Variants in CNTN4 observed in about 807,000 individuals in gnomAD.
CNTN4 encodes contactin-4.
Under a neutral mutation model 122.5 loss-of-function variants are expected in CNTN4, and 77 were observed. The observed-to-expected ratio is 0.63, with a 90% CI of 0.52 to 0.76. The LOEUF is 0.76. Among genes scored for constraint, CNTN4 ranks in the 30% least tolerant of loss-of-function variants. The pLI is 0.00. For missense variants in CNTN4, 1,256 were observed against 1,259.1 expected (o/e 1.00, Z 0.04); for synonymous variants, 512 against 447.0 (o/e 1.15, Z -1.83).
At chr3:2,380,601 A>T (rs1045970295) in intron 3 of CNTN4, among the ~76,000 whole-genome samples, 1 of 152,166 alleles carries the variant, frequency 6.6e-6, no homozygotes, top group Non-Finnish European at 1.5e-5. Flanking sequence ...GAGTAGATCT[A>T]ACAAAATGAT....
intron 3 of CNTN4, among the ~76,000 whole-genome samples, chr3:2,409,221 T>C (rs1265919807): frequency 1.3e-5 from 2 of 151,746 alleles, no homozygotes; most frequent in African/African-American, 4.8e-5. Flanking sequence ...TTTAAAGTTC[T>C]GAGTAATTTC....
chr3:2,961,624 C>T (rs1463133232), intron 13 of CNTN4, among the ~76,000 whole-genome samples: 2 of 152,166 alleles, frequency 1.3e-5, no homozygotes, highest in Non-Finnish European at 2.9e-5. Context: ...ACATACCCAC[C>T]TCTGAACCAG....
Position 2,627,445 on chromosome 3 carries a change from C to T in CNTN4, c.55+55887C>T, listed in dbSNP as rs149216975. Reference sequence around the variant, plus strand: ...TAGGGTAGCAGTAAACTTTGTTTACCAACAGGGCTCTGTCATCCACATGAG... The same window carrying T: ...TAGGGTAGCAGTAAACTTTGTTTACTAACAGGGCTCTGTCATCCACATGAG... On this transcript the variant is annotated intron_variant, in intron 4 of 24. Coordinates refer to ENST00000418658, the MANE Select transcript of CNTN4 (RefSeq NM_175607.3). Among the ~76,000 whole-genome samples the T allele has an allele frequency of 1.1e-4, 17 of 150,830 alleles. No homozygotes were observed. The East Asian group carries it at 2.5e-3, about 22-fold the overall frequency.
intron 2 of CNTN4, among the ~76,000 whole-genome samples, chr3:2,178,588 G>T (rs2036859704): frequency 6.6e-6 from 1 of 152,086 alleles, no homozygotes; most frequent in Non-Finnish European, 1.5e-5. Flanking sequence ...GTATGACAAT[G>T]TAGTAAAATA....
At chr3:2,202,714 A>G (rs1252689395) in intron 2 of CNTN4, among the ~76,000 whole-genome samples, 1 of 152,178 alleles carries the variant, frequency 6.6e-6, no homozygotes, top group Non-Finnish European at 1.5e-5. Context: ...CTAGATAATA[A>G]TGAAACTTGA....
chr3:2,158,859 A>G (rs1263815498), intron 2 of CNTN4, among the ~76,000 whole-genome samples: 3 of 152,282 alleles, frequency 2.0e-5, no homozygotes, highest in East Asian at 1.9e-4. Flanking sequence ...TGTTTTTGGA[A>G]GAGTGAAATC....
In CNTN4 at chr3:2,326,225, C is replaced by T. The variant is rs148052990; in HGVS notation, c.-144-12953C>T. On this transcript the variant is annotated intron_variant, in intron 2 of 24. Transcript: ENST00000418658. Reference sequence around the variant, plus strand: ...CCCTAGGAAGAGAGAATTTCCCTGTCCCTACTACCTTTGAACTGGGACATT... The same window carrying T: ...CCCTAGGAAGAGAGAATTTCCCTGTTCCTACTACCTTTGAACTGGGACATT... Among the ~76,000 whole-genome samples, 147 of 152,266 alleles carry T rather than the reference C, an allele frequency of 9.7e-4. 3 individuals carry two copies. The East Asian group carries it at 0.026, about 27-fold the overall frequency.
At chr3:2,727,788 G>A (rs1219175414) in intron 4 of CNTN4, among the ~76,000 whole-genome samples, 1 of 152,076 alleles carries the variant, frequency 6.6e-6, no homozygotes, top group Admixed American at 6.6e-5. Flanking sequence ...CTTCTCATTT[G>A]GATTTTTTTC....
At chr3:2,581,242 G>C (rs933220507) in intron 4 of CNTN4, among the ~76,000 whole-genome samples, 1 of 152,082 alleles carries the variant, frequency 6.6e-6, no homozygotes, top group Non-Finnish European at 1.5e-5. Context: ...CAAGGAGAGA[G>C]GGGAATTATT....
At chr3:2,107,879 A>G (rs1443291823) in intron 2 of CNTN4, among the ~76,000 whole-genome samples, 4 of 152,182 alleles carry the variant, frequency 2.6e-5, no homozygotes, top group African/African-American at 2.4e-5. Flanking sequence ...CTTCCAGTCA[A>G]GAACCATTTG....
At chr3:2,921,869 T>C (rs2094432738) in intron 12 of CNTN4, among the ~76,000 whole-genome samples, 1 of 152,174 alleles carries the variant, frequency 6.6e-6, no homozygotes, top group African/African-American at 2.4e-5. Context: ...ATACCCTTGA[T>C]ATATGACCAA....
chr3:2,550,048 C>A (rs1034239675), intron 3 of CNTN4, among the ~76,000 whole-genome samples: 1 of 151,994 alleles, frequency 6.6e-6, no homozygotes, highest in Non-Finnish European at 1.5e-5. Flanking sequence ...TGTTTACATC[C>A]CCTTGGTCAT....
At chr3:2,694,519 C>G (rs1165799073) in intron 4 of CNTN4, among the ~76,000 whole-genome samples, 1 of 152,118 alleles carries the variant, frequency 6.6e-6, no homozygotes, top group African/African-American at 2.4e-5. Context: ...CACTTTAGGT[C>G]AGGAGTTCGA....
chr3:2,248,130 G>A (rs2040227553), intron 2 of CNTN4, among the ~76,000 whole-genome samples: 1 of 151,874 alleles, frequency 6.6e-6, no homozygotes, highest in Admixed American at 6.6e-5. Flanking sequence ...ACCTATAAAA[G>A]TTCCTGGCTC....
intron 8 of CNTN4, among the ~76,000 whole-genome samples, chr3:2,874,338 G>A (rs936121063): frequency 6.6e-6 from 1 of 152,152 alleles, no homozygotes; most frequent in African/African-American, 2.4e-5. Flanking sequence ...TTAATGAAGG[G>A]TCTAAAGTTT....
chr3:2,667,319 A>C lies in CNTN4; in HGVS notation c.56-68896A>C, dbSNP rs1389802609. On this transcript the variant is annotated intron_variant, in intron 4 of 24. Coordinates refer to ENST00000418658, the MANE Select transcript of CNTN4 (RefSeq NM_175607.3). ...GAGATGGTATCTCATTGTGGTTTTG[A>C]TTTGCATTTCTCTGATGGCCAGTGA... Among the ~76,000 whole-genome samples, 4 of 152,164 alleles carry C rather than the reference A, an allele frequency of 2.6e-5. No homozygotes were observed. The East Asian group carries it at 5.8e-4, about 22-fold the overall frequency.
intron 1 of CNTN4, among the ~76,000 whole-genome samples, 154 bp from the exon 2 acceptor site, chr3:2,100,404 T>A (rs1247537611): frequency 6.6e-6 from 1 of 152,192 alleles, no homozygotes; most frequent in Non-Finnish European, 1.5e-5. Flanking sequence ...GCGCTTGTAT[T>A]TTTTTGTTTT....
At chr3:2,581,028 C>T (rs1457915173) in intron 4 of CNTN4, among the ~76,000 whole-genome samples, 1 of 152,158 alleles carries the variant, frequency 6.6e-6, no homozygotes, top group Non-Finnish European at 1.5e-5. Flanking sequence ...TTGTAAAATA[C>T]TCTGAACCAA....
intron 2 of CNTN4, among the ~76,000 whole-genome samples, chr3:2,294,725 G>A (rs1027131136): frequency 3.3e-5 from 5 of 152,044 alleles, no homozygotes; most frequent in African/African-American, 4.8e-5. Context: ...TGTGCACAAC[G>A]TGCAGGTTTG....
Sources: allele counts gnomAD v4.1 joint callset (sites outside exome capture counted in the v4.1 genomes callset), GRCh38; gene constraint gnomAD v4.1.1; transcripts MANE v1.5; gene names NCBI Gene and HGNC (gene_info 2026-07-23, HGNC 2026-07-21).